Variants in ACTL8 observed in about 807,000 individuals in gnomAD.
ACTL8 encodes actin like 8.
Under a neutral mutation model 9.3 loss-of-function variants are expected in ACTL8, and 3 were observed. That is an observed-to-expected ratio of 0.32 (90% CI 0.15 to 0.83). The LOEUF (loss-of-function observed/expected upper bound fraction) is 0.83. ACTL8 is among the 40% of genes least tolerant of loss of function. ACTL8 has a pLI of 0.57. For synonymous variants in ACTL8, 224 were observed against 205.9 expected, an observed-to-expected ratio of 1.09 and a Z score of -0.75; for missense variants, 381 against 492.2, an observed-to-expected ratio of 0.77 and a Z score of 2.14.
intron 1 of ACTL8, 42 bp from the exon 2 acceptor site, chr1:17,822,943 C>T: frequency 4.9e-6 from 7 of 1,415,682 alleles, no homozygotes; most frequent in Non-Finnish European, 6.8e-6. Context: ...TTATGGTGGC[C>T]TAGGCTGCCT....
chr1:17,783,680 A>G lies in ACTL8; in HGVS notation c.-25+28176A>G, dbSNP rs538666163. On this transcript the variant is annotated intron_variant, in intron 1 of 2. Transcript: ENST00000375406. ...GAACTGCACGGTCGTCGGGCTGGAG[A>G]TGTCACCTCCAGGCCTCTTCTGCAG... Among the ~76,000 whole-genome samples the G allele has an allele frequency of 5.9e-5, 9 of 152,058 alleles. 1 individual carries two copies.
At chr1:17,813,352 G>T (rs1453074816) in intron 1 of ACTL8, among the ~76,000 whole-genome samples, 5 of 152,112 alleles carry the variant, frequency 3.3e-5, no homozygotes, top group Admixed American at 2.6e-4. Flanking sequence ...AATGCATGTT[G>T]AATTCTATCC....
chr1:17,761,080 G>C (rs754250334), intron 1 of ACTL8, among the ~76,000 whole-genome samples: 107 of 152,184 alleles, frequency 7.0e-4, no homozygotes, highest in Non-Finnish European at 1.2e-3. Flanking sequence ...ACTGCAGAGG[G>C]AGGAAAGAGG....
At chr1:17,814,530 T>C (rs1162086832) in intron 1 of ACTL8, among the ~76,000 whole-genome samples, 2 of 152,154 alleles carry the variant, frequency 1.3e-5, no homozygotes, top group Non-Finnish European at 2.9e-5. Context: ...CAAGACTCCA[T>C]ATCTACCAAC....
chr1:17,812,784 C>T (rs538331040), intron 1 of ACTL8, among the ~76,000 whole-genome samples: 71 of 152,220 alleles, frequency 4.7e-4, no homozygotes, highest in African/African-American at 1.6e-3. Flanking sequence ...TGAGCCACCA[C>T]ACCTGGCCAT....
At chr1:17,816,276 T>C (rs2066425717) in intron 1 of ACTL8, among the ~76,000 whole-genome samples, 1 of 151,056 alleles carries the variant, frequency 6.6e-6, no homozygotes, top group Non-Finnish European at 1.5e-5. Context: ...ATCTTAGCTC[T>C]CTGCAAACTC....
chr1:17,814,182 C>A (rs188809714), intron 1 of ACTL8, among the ~76,000 whole-genome samples: 49 of 152,272 alleles, frequency 3.2e-4, no homozygotes, highest in African/African-American at 1.1e-3. Flanking sequence ...TTGTACTGTA[C>A]CTTTTCTATG....
intron 1 of ACTL8, among the ~76,000 whole-genome samples, chr1:17,803,450 T>A (rs2066337869): frequency 6.6e-6 from 1 of 152,166 alleles, no homozygotes; most frequent in South Asian, 2.1e-4. Context: ...CCTGCCTCAG[T>A]TTTCTCAGTA....
At chr1:17,790,235 C>G (rs1049366648) in intron 1 of ACTL8, among the ~76,000 whole-genome samples, 6 of 152,220 alleles carry the variant, frequency 3.9e-5, no homozygotes, top group Non-Finnish European at 7.3e-5. Flanking sequence ...GAGTCACAGC[C>G]CTGGCATGGG....
intron 1 of ACTL8, among the ~76,000 whole-genome samples, chr1:17,760,902 GCT>G: frequency 6.6e-6 from 1 of 152,306 alleles, no homozygotes; most frequent in South Asian, 2.1e-4. Context: ...GTTATTACTG[GCT>G]ATAAAACCGA....
At chr1:17,768,802 T>C (rs1227110841) in intron 1 of ACTL8, among the ~76,000 whole-genome samples, 1 of 152,070 alleles carries the variant, frequency 6.6e-6, no homozygotes, top group East Asian at 1.9e-4. Context: ...GACTCACTGC[T>C]AGGGAGTGGG....
chr1:17,784,460 G>A (rs752338443), intron 1 of ACTL8, among the ~76,000 whole-genome samples: 2 of 152,154 alleles, frequency 1.3e-5, no homozygotes, highest in African/African-American at 2.4e-5. Context: ...ATTAGAAAGC[G>A]AGTTCCATTG....
intron 1 of ACTL8, among the ~76,000 whole-genome samples, chr1:17,787,964 A>G (rs1381367556): frequency 6.6e-6 from 1 of 152,134 alleles, no homozygotes; most frequent in Non-Finnish European, 1.5e-5. Context: ...AAGTGATCTC[A>G]TTGTTGCTTT....
rs2066053635 is a variant in ACTL8, at chr1:17,767,607, T to C, written c.-25+12103T>C. 6.6e-6 allele frequency among the ~76,000 whole-genome samples: 1 copy of C among 152,184 alleles called. No individual in the cohort carries two copies. Among genetic ancestry groups the C allele is most frequent in the Admixed American group, 6.5e-5 (1 of 15,274 alleles). On this transcript the variant is annotated intron_variant, in intron 1 of 2. Transcript: ENST00000375406. The surrounding 1 kb of genome is among the most constrained non-coding windows in gnomAD (Gnocchi z 4.7). ...GCTGCCTTGTCCAGTGGTTATTTGG[T>C]GCGCAGTAAGCCCTTTGCTTTTTGG...
At chr1:17,810,784 C>T (rs2066388892) in intron 1 of ACTL8, among the ~76,000 whole-genome samples, 1 of 152,186 alleles carries the variant, frequency 6.6e-6, no homozygotes, top group Admixed American at 6.5e-5. Context: ...TGGTTTATTT[C>T]ATGTAGCATA....
At chr1:17,766,548 TG>T (rs2066045857) in intron 1 of ACTL8, among the ~76,000 whole-genome samples, 1 of 152,212 alleles carries the variant, frequency 6.6e-6, no homozygotes, top group Admixed American at 6.5e-5. Flanking sequence ...GTCACAACCT[TG>T]GGCGCTGACA....
chr1:17,795,379 T>A lies in ACTL8; in HGVS notation c.-24-27606T>A, dbSNP rs12565532. 3.4e-3 allele frequency among the ~76,000 whole-genome samples: 514 copies of A among 152,354 alleles called. 11 individuals are homozygous for A. In the East Asian group the frequency reaches 0.059, roughly 18 times the overall value. Reference sequence around the variant, plus strand: ...CATTCTGTGCAAACTTGGGCTTCTTTGAGCCTATTTCCTCCACTATAAACA... The same window carrying A: ...CATTCTGTGCAAACTTGGGCTTCTTAGAGCCTATTTCCTCCACTATAAACA... On this transcript the variant is annotated intron_variant, in intron 1 of 2. Transcript: ENST00000375406.
At chr1:17,787,327 T>C (rs1260272710) in intron 1 of ACTL8, among the ~76,000 whole-genome samples, 1 of 151,770 alleles carries the variant, frequency 6.6e-6, no homozygotes, top group African/African-American at 2.4e-5. Flanking sequence ...TGCAGTGGAG[T>C]TATCTTGGTT....
intron 1 of ACTL8, among the ~76,000 whole-genome samples, chr1:17,815,570 C>G (rs2066421142): frequency 6.6e-6 from 1 of 151,832 alleles, no homozygotes; most frequent in Admixed American, 6.6e-5. Context: ...TCTCTGGATT[C>G]TTTGAAGATT....
Sources: allele counts gnomAD v4.1 joint callset (sites outside exome capture counted in the v4.1 genomes callset), GRCh38; gene constraint gnomAD v4.1.1; non-coding constraint Gnocchi (gnomAD v3.1); transcripts MANE v1.5; gene names NCBI Gene and HGNC (gene_info 2026-07-23, HGNC 2026-07-21).